FMNL2: variants seen among roughly 807,000 people sequenced by gnomAD.
FMNL2 encodes the protein formin-like protein 2.
FMNL2 carries 51 observed loss-of-function variants against 130.2 expected under a neutral mutation model. The observed-to-expected ratio is 0.39, with a 90% CI of 0.31 to 0.49. FMNL2 has a LOEUF of 0.49. FMNL2 is among the 20% of genes least tolerant of loss of function. The probability of loss-of-function intolerance (pLI) is 0.85; values close to 1 mark genes in which losing one functional copy is unlikely to be tolerated. For missense variants in FMNL2, 977 were observed against 1,316.2 expected (o/e 0.74, Z 3.99); for synonymous variants, 465 against 467.1 (o/e 1.00, Z 0.06).
At chr2:152,440,001 G>A (rs893973953) in intron 1 of FMNL2, among the ~76,000 whole-genome samples, 2 of 151,874 alleles carry the variant, frequency 1.3e-5, no homozygotes, top group Non-Finnish European at 2.9e-5. Flanking sequence ...GTACTGCCAA[G>A]TGACCTCTCT....
At chr2:152,642,866 AG>A (rs889773706) in intron 25 of FMNL2, among the ~76,000 whole-genome samples, 4 of 152,030 alleles carry the variant, frequency 2.6e-5, no homozygotes, top group African/African-American at 9.7e-5. Flanking sequence ...AATCTTAGCC[AG>A]GCATGGTGGC....
rs1158391663 is a variant in FMNL2 at position 152,590,980 on chromosome 2, C to CTTTTTTTTTT, written c.876+9966_876+9975dup. ...CAGAGTTAGATTTTCCCTCTGATAA[C>CTTTTTTTTTT]TTTTTTTTTTTTTTTTTTTTTTTTT... On this transcript the variant is annotated intron_variant, in intron 9 of 25. Coordinates refer to ENST00000288670, the MANE Select transcript of FMNL2 (RefSeq NM_052905.4). 3.8e-4 allele frequency among the ~76,000 whole-genome samples: 25 copies of CTTTTTTTTTT among 65,788 alleles called. 1 individual carries two copies. Among genetic ancestry groups the CTTTTTTTTTT allele is most frequent in the East Asian group, 6.3e-4 (1 of 1,598 alleles). 43.2% of individuals were successfully genotyped at this position (65,788 alleles called of 152,430 possible). A position where few individuals can be genotyped will look rare whatever the true frequency, so the allele number is the denominator to read the frequency against.
At chr2:152,402,705 C>G (rs142921845) in intron 1 of FMNL2, among the ~76,000 whole-genome samples, 122 of 152,282 alleles carry the variant, frequency 8.0e-4, no homozygotes, top group African/African-American at 2.8e-3. Flanking sequence ...AGTATAGTTT[C>G]AGATGTATGG....
chr2:152,645,287 C>T, intron 25 of FMNL2: 1 of 390,036 alleles, frequency 2.6e-6, no homozygotes, highest in South Asian at 2.1e-5. Context: ...CTTATTTGAT[C>T]TAACATTTCT....
At chr2:152,418,402 C>G (rs1286376447) in intron 1 of FMNL2, among the ~76,000 whole-genome samples, 1 of 152,106 alleles carries the variant, frequency 6.6e-6, no homozygotes, top group Non-Finnish European at 1.5e-5. Context: ...CGTCTGTGTC[C>G]AGAACTTTTC....
At chr2:152,448,201 T>C (rs1317378287) in intron 1 of FMNL2, among the ~76,000 whole-genome samples, 2 of 151,152 alleles carry the variant, frequency 1.3e-5, no homozygotes, top group Admixed American at 1.3e-4. Flanking sequence ...TTTGCTGATT[T>C]CTTAAAAAAA....
chr2:152,359,474 A>T (rs536550819), intron 1 of FMNL2, among the ~76,000 whole-genome samples: 5 of 109,738 alleles, frequency 4.6e-5, no homozygotes, highest in African/African-American at 1.6e-4. Flanking sequence ...GTTATCTAAG[A>T]GGTAGCCTTT....
chr2:152,413,267 G>C (rs1686421384), intron 1 of FMNL2, among the ~76,000 whole-genome samples: 1 of 152,026 alleles, frequency 6.6e-6, no homozygotes, highest in Non-Finnish European at 1.5e-5. Flanking sequence ...TTAGTTGTCT[G>C]AGCTACATTG....
intron 1 of FMNL2, among the ~76,000 whole-genome samples, chr2:152,354,358 GTA>G (rs1395028993): frequency 6.6e-6 from 1 of 150,816 alleles, no homozygotes; most frequent in African/African-American, 2.5e-5. Context: ...TGTGTAACTT[GTA>G]TATAGATGGT....
chr2:152,539,949 G>C (rs1694210930), intron 2 of FMNL2, among the ~76,000 whole-genome samples: 1 of 152,070 alleles, frequency 6.6e-6, no homozygotes, highest in African/African-American at 2.4e-5. Context: ...AATTAGCTGG[G>C]CGTGGTTGCC....
intron 1 of FMNL2, among the ~76,000 whole-genome samples, chr2:152,382,042 G>T (rs1038374461): frequency 6.6e-6 from 1 of 152,106 alleles, no homozygotes; most frequent in Non-Finnish European, 1.5e-5. Flanking sequence ...CAAGTGATTT[G>T]CCCGCCTCAG....
At chr2:152,393,476 T>C (rs1177068447) in intron 1 of FMNL2, among the ~76,000 whole-genome samples, 1 of 152,210 alleles carries the variant, frequency 6.6e-6, no homozygotes, top group African/African-American at 2.4e-5. Context: ...TTTTGCCGCA[T>C]TGCATTCTAA....
chr2:152,469,208 T>G (rs1689722935), intron 1 of FMNL2, among the ~76,000 whole-genome samples: 1 of 152,208 alleles, frequency 6.6e-6, no homozygotes, highest in African/African-American at 2.4e-5. Flanking sequence ...TTTTGCCTTC[T>G]TGTCTGCTGC....
At chr2:152,604,054 G>A (rs138245401) in intron 9 of FMNL2, among the ~76,000 whole-genome samples, 28 of 150,964 alleles carry the variant, frequency 1.9e-4, no homozygotes, top group African/African-American at 6.0e-4. Flanking sequence ...ATCATTTTTC[G>A]AGGTTCCATG....
chr2:152,363,792 C>G (rs1309193646), intron 1 of FMNL2, among the ~76,000 whole-genome samples: 1 of 152,136 alleles, frequency 6.6e-6, no homozygotes, highest in African/African-American at 2.4e-5. Context: ...GAACTCCTGA[C>G]CTCAGGTGAT....
intron 1 of FMNL2, among the ~76,000 whole-genome samples, chr2:152,374,661 T>G (rs185201227): frequency 6.6e-6 from 1 of 152,210 alleles, no homozygotes; most frequent in African/African-American, 2.4e-5. Context: ...TATGAGAAAC[T>G]GCTTTACAAA....
intron 4 of FMNL2, among the ~76,000 whole-genome samples, chr2:152,555,451 GC>G (rs1695151238): frequency 6.6e-6 from 1 of 152,164 alleles, no homozygotes; most frequent in African/African-American, 2.4e-5. Context: ...GCAACTTTGG[GC>G]TACTTGGCTT....
chr2:152,500,366 G>A (rs189155653), intron 1 of FMNL2, among the ~76,000 whole-genome samples: 30 of 152,148 alleles, frequency 2.0e-4, no homozygotes, highest in Non-Finnish European at 3.8e-4. Flanking sequence ...GAAAAATGTC[G>A]TGTTCTATCT....
chr2:152,365,923 C>T (rs1179251365), intron 1 of FMNL2, among the ~76,000 whole-genome samples: 2 of 152,140 alleles, frequency 1.3e-5, no homozygotes, highest in East Asian at 3.9e-4. Context: ...TCCTTGTTTG[C>T]ATCAGGGACT....
Sources: gnomAD v4.1 joint callset for allele counts (sites outside exome capture counted in the v4.1 genomes callset) on GRCh38, gnomAD v4.1.1 for gene constraint, MANE v1.5 for transcripts, NCBI Gene and HGNC (gene_info 2026-07-23, HGNC 2026-07-21) for gene names.